Variants in NEK5 observed in about 807,000 individuals in gnomAD.
NEK5 encodes the protein serine/threonine-protein kinase Nek5.
A neutral mutation model predicts 109.2 loss-of-function variants in NEK5; 88 were observed. The observed-to-expected ratio is 0.81, with a 90% CI of 0.68 to 0.96. The LOEUF (loss-of-function observed/expected upper bound fraction) is 0.96, where lower values mean the gene tolerates loss of function less well. Among genes scored for constraint, NEK5 ranks in the 40% least tolerant of loss-of-function variants. The pLI is 0.00. For synonymous variants in NEK5, 283 were observed against 299.9 expected, an observed-to-expected ratio of 0.94 and a Z score of 0.58; for missense variants, 834 against 920.7, an observed-to-expected ratio of 0.91 and a Z score of 1.22.
Position 52,119,397 on chromosome 13 carries a change from C to A in NEK5, c.136G>T (p.Glu46Ter). Residue 46 changes from glutamate (E) to a stop codon, truncating the protein, a stop_gained, in exon 4 of 24, where the codon GAA (glutamate) becomes TAA (stop). Coordinates refer to ENST00000684899, the MANE Select transcript of NEK5 (RefSeq NM_001365552.1). LOFTEE classifies it high-confidence loss of function. ...AGAATCACTTCTTTCTTTGAAGCTT[C>A]TTTTTCTTGTATGGGCATCTAAATT... ...NFEKMPIQEK[E>*]ASKKEVILLE... 2 of 1,592,998 alleles carry A rather than the reference C, an allele frequency of 1.3e-6. No individual in the cohort carries two copies. Among genetic ancestry groups the A allele is most frequent in the African/African-American group, 1.3e-5 (1 of 74,694 alleles).
intron 22 of NEK5, among the ~76,000 whole-genome samples, chr13:52,054,323 TTTG>T (rs2137704848): frequency 1.3e-5 from 2 of 152,252 alleles, no homozygotes; most frequent in South Asian, 4.1e-4. Flanking sequence ...ATAAGAGGTT[TTTG>T]TTTGTTTGTT....
intron 3 of NEK5, 130 bp from the exon 4 acceptor site, chr13:52,119,545 C>A (rs1327281322): frequency 2.0e-6 from 1 of 505,942 alleles, no homozygotes; most frequent in Non-Finnish European, 3.6e-6. Flanking sequence ...AACGATCTTT[C>A]AATGGCAGGA....
At chr13:52,120,561 A>G (rs1955947687) in intron 3 of NEK5, among the ~76,000 whole-genome samples, 1 of 152,204 alleles carries the variant, frequency 6.6e-6, no homozygotes, top group African/African-American at 2.4e-5. Flanking sequence ...AGAGAAATAA[A>G]AATGGCTGAT....
chr13:52,045,995 C>A (rs1377998732), intron 23 of NEK5, among the ~76,000 whole-genome samples: 1 of 146,516 alleles, frequency 6.8e-6, no homozygotes, highest in African/African-American at 2.5e-5. Context: ...CGCTTGAACC[C>A]AGGAGGTGGA....
intron 22 of NEK5, among the ~76,000 whole-genome samples, chr13:52,053,548 A>G (rs1022253871): frequency 6.6e-6 from 1 of 152,046 alleles, no homozygotes; most frequent in Non-Finnish European, 1.5e-5. Context: ...TGGCTTATCT[A>G]ATTATGTTTG....
intron 22 of NEK5, among the ~76,000 whole-genome samples, chr13:52,053,470 T>C (rs113596588): frequency 2.0e-5 from 3 of 152,262 alleles, no homozygotes; most frequent in African/African-American, 7.2e-5. Context: ...TGCAGCCCTC[T>C]GTATTAACTT....
In NEK5 at chr13:52,092,817, C is replaced by T. The variant is rs987965141; in HGVS notation, c.1208+237G>A. 2.6e-5 allele frequency among the ~76,000 whole-genome samples: 4 copies of T among 152,118 alleles called. No individual in the cohort carries two copies. In the South Asian group the frequency reaches 8.3e-4, roughly 32 times the overall value. ...ACGAGAATCGCTTGAACTCAGAAGGCAGAGGTTGCAGTGAGCTGAGATTGC... is the reference window on the plus strand; with the variant it reads ...ACGAGAATCGCTTGAACTCAGAAGGTAGAGGTTGCAGTGAGCTGAGATTGC... On this transcript the variant is annotated intron_variant, in intron 13 of 23. Transcript: ENST00000684899.
chr13:52,083,320 C>T lies in NEK5; in HGVS notation c.1512G>A (p.Leu504=). Residue 504 remains leucine, a synonymous_variant, in exon 17 of 24, where the codon TTG becomes TTA. Transcript: ENST00000684899. ...GGACAGGCAGGTTACTCTTCTTCACCAAATAGGTTTTATGACTTATTTTTG... is the reference window on the plus strand; with the variant it reads ...GGACAGGCAGGTTACTCTTCTTCACTAAATAGGTTTTATGACTTATTTTTG... ...ENSKISHKTY[L]VKKSNLPVHQ... The T allele has an allele frequency of 6.2e-7, 1 of 1,612,774 alleles. No homozygotes were observed. The highest frequency in any genetic ancestry group is 1.1e-5 in the South Asian group (1 of 91,050).
rs145794011 is a variant in NEK5 at position 52,100,772 on chromosome 13, T to G, written c.893-896A>C. 1.8e-3 allele frequency among the ~76,000 whole-genome samples: 267 copies of G among 152,286 alleles called. 1 individual carries two copies. The highest frequency in any genetic ancestry group is 6.0e-3 in the African/African-American group (250 of 41,556). ...GATTAGAAATATGGACAATACACAG[T>G]CCCATACTCTGTACTTGTCTATTTT... On this transcript the variant is annotated intron_variant, in intron 11 of 23. Coordinates refer to ENST00000684899, the MANE Select transcript of NEK5 (RefSeq NM_001365552.1).
intron 23 of NEK5, among the ~76,000 whole-genome samples, chr13:52,040,197 G>A (rs971536775): frequency 2.7e-5 from 4 of 148,678 alleles, no homozygotes; most frequent in Non-Finnish European, 4.4e-5. Flanking sequence ...TGATTCTCCC[G>A]CCTCTACCTC....
chr13:52,043,228 TA>T (rs1166680396), intron 23 of NEK5, among the ~76,000 whole-genome samples: 1 of 151,776 alleles, frequency 6.6e-6, no homozygotes, highest in South Asian at 2.1e-4. Flanking sequence ...AAGGACACTT[TA>T]AAAAAAATCA....
At chr13:52,116,850 T>C (rs963327904) in intron 4 of NEK5, among the ~76,000 whole-genome samples, 4 of 152,198 alleles carry the variant, frequency 2.6e-5, no homozygotes, top group Non-Finnish European at 5.9e-5. Context: ...ATTAATTTTG[T>C]CTTAGGAAAA....
intron 22 of NEK5, among the ~76,000 whole-genome samples, chr13:52,060,849 T>G (rs555979492): frequency 3.9e-5 from 6 of 152,248 alleles, no homozygotes; most frequent in South Asian, 4.1e-4. Context: ...CTCATTATGA[T>G]GTGATTTCCC....
chr13:52,095,276 T>C (rs2137957576), intron 12 of NEK5, among the ~76,000 whole-genome samples: 1 of 152,308 alleles, frequency 6.6e-6, no homozygotes, highest in South Asian at 2.1e-4. Context: ...TTTCTTTGTT[T>C]TACAATTTCA....
At chr13:52,099,365 T>C (rs538823142) in intron 12 of NEK5, among the ~76,000 whole-genome samples, 2 of 152,212 alleles carry the variant, frequency 1.3e-5, no homozygotes, top group African/African-American at 4.8e-5. Context: ...ACCCTGTCTC[T>C]ACTAAAAGTA....
chr13:52,063,947 T>G (rs1191662019), intron 21 of NEK5, among the ~76,000 whole-genome samples: 16 of 101,160 alleles, frequency 1.6e-4, no homozygotes, highest in African/African-American at 3.7e-4. Context: ...GGGAGGGAGG[T>G]GGGGGGGTCA....
At chr13:52,103,478 C>T (rs1955584291) in intron 9 of NEK5, among the ~76,000 whole-genome samples, 2 of 152,144 alleles carry the variant, frequency 1.3e-5, no homozygotes, top group Admixed American at 6.5e-5. Context: ...GCTGTGCAAC[C>T]CTTGACAATA....
At chr13:52,065,183 C>A in intron 21 of NEK5, 1 of 484,616 alleles carries the variant, frequency 2.1e-6, no homozygotes, top group Non-Finnish European at 3.7e-6. Context: ...GTTGAGCTGG[C>A]CTTGGAAGGT....
chr13:52,082,560 A>G (rs2137866129), intron 17 of NEK5, among the ~76,000 whole-genome samples: 1 of 152,334 alleles, frequency 6.6e-6, no homozygotes, highest in Non-Finnish European at 1.5e-5. Context: ...TAATTGCATT[A>G]TCTTTTCTCA....
Sources: allele counts gnomAD v4.1 joint callset (sites outside exome capture counted in the v4.1 genomes callset), GRCh38; gene constraint gnomAD v4.1.1; transcripts MANE v1.5; gene names NCBI Gene and HGNC (gene_info 2026-07-23, HGNC 2026-07-21).